PHEX: variants seen among roughly 807,000 people sequenced by gnomAD.
PHEX encodes phosphate regulating endopeptidase X-linked, also known as phosphate-regulating neutral endopeptidase PHEX.
A neutral mutation model predicts 68.0 loss-of-function variants in PHEX; 16 were observed. That is an observed-to-expected ratio of 0.24 (90% CI 0.16 to 0.36). The LOEUF (loss-of-function observed/expected upper bound fraction) is 0.36, where lower values mean the gene tolerates loss of function less well. Among genes scored for constraint, PHEX ranks in the 10% least tolerant of loss-of-function variants. The probability of loss-of-function intolerance (pLI) is 1.00; values close to 1 mark genes in which losing one functional copy is unlikely to be tolerated. For synonymous variants in PHEX, 208 were observed against 205.1 expected, an observed-to-expected ratio of 1.01 and a Z score of -0.12; for missense variants, 480 against 575.5, an observed-to-expected ratio of 0.83 and a Z score of 1.70.
intron 5 of PHEX, among the ~76,000 whole-genome samples, chrX:22,084,355 G>A (rs1334434367): frequency 9.0e-6 from 1 of 111,025 alleles, no homozygotes; most frequent in African/African-American, 3.3e-5. Context: ...CTCAATCATA[G>A]TGAATGATCT....
intron 6 of PHEX, among the ~76,000 whole-genome samples, chrX:22,093,610 T>G (rs973805804): frequency 1.8e-5 from 2 of 112,120 alleles, no homozygotes; most frequent in African/African-American, 6.5e-5. Context: ...AACAGTTCTT[T>G]CCCATTGTTT....
chrX:22,141,012 G>A (rs916460364), intron 12 of PHEX, among the ~76,000 whole-genome samples: 1 of 109,767 alleles, frequency 9.1e-6, no homozygotes, highest in African/African-American at 3.3e-5. Flanking sequence ...AGAAGAGCTG[G>A]GATTCCCTCC....
chrX:22,037,814 CT>C (rs1402333996), intron 1 of PHEX, among the ~76,000 whole-genome samples: 2 of 110,795 alleles, frequency 1.8e-5, no homozygotes, highest in Non-Finnish European at 3.8e-5. Context: ...ACCCCTACCC[CT>C]TTTTTGGTCC....
chrX:22,164,143 G>A (rs990600094), intron 12 of PHEX, among the ~76,000 whole-genome samples: 8 of 111,832 alleles, frequency 7.2e-5, no homozygotes, highest in African/African-American at 2.6e-4. Context: ...GCCTATGAGT[G>A]CTTCTCATTG....
chrX:22,056,695 G>T (rs1928119527), intron 3 of PHEX, among the ~76,000 whole-genome samples: 1 of 108,656 alleles, frequency 9.2e-6, no homozygotes, highest in Non-Finnish European at 1.9e-5. Context: ...CAGCTACTGG[G>T]AGGTTGCAGT....
intron 20 of PHEX, among the ~76,000 whole-genome samples, chrX:22,230,686 A>G (rs1018716962): frequency 6.3e-5 from 7 of 111,219 alleles, no homozygotes; most frequent in African/African-American, 2.3e-4. Flanking sequence ...GGCTGAGACG[A>G]TGGGGTTTTC....
At chrX:22,240,570 A>C (rs998858704) in intron 20 of PHEX, among the ~76,000 whole-genome samples, 4 of 96,619 alleles carry the variant, frequency 4.1e-5, no homozygotes, top group Non-Finnish European at 8.8e-5. Flanking sequence ...AAAGCAAAAA[A>C]CAAAAACAAA....
chrX:22,178,390 A>C lies in PHEX; in HGVS notation c.1586+14A>C, dbSNP rs771287470. 74 of 982,681 alleles carry C rather than the reference A, an allele frequency of 7.5e-5. No homozygotes were observed. The highest frequency in any genetic ancestry group is 1.1e-4 in the Non-Finnish European group (74 of 693,479). 81.0% of individuals were successfully genotyped at this position (982,681 alleles called of 1,213,427 possible). A position where few individuals can be genotyped will look rare whatever the true frequency, so the allele number is the denominator to read the frequency against. On this transcript the variant is annotated intron_variant, in intron 14 of 21. Coordinates refer to ENST00000379374, the MANE Select transcript of PHEX (RefSeq NM_000444.6). ...TCCAAAAACAGAGTGAGTATTAAAC[A>C]AAAAAAGTTAAATAGATAAATACAT...
At chrX:22,034,432 C>G (rs746922670) in intron 1 of PHEX, among the ~76,000 whole-genome samples, 1 of 112,363 alleles carries the variant, frequency 8.9e-6, no homozygotes, top group East Asian at 2.8e-4. Context: ...CTCCTGAGGC[C>G]GTGGCATATC....
At chrX:22,233,275 C>T (rs1338037905) in intron 20 of PHEX, among the ~76,000 whole-genome samples, 4 of 110,833 alleles carry the variant, frequency 3.6e-5, no homozygotes, top group African/African-American at 9.9e-5. Flanking sequence ...GTGAATCTGA[C>T]GATTATGTGT....
intron 3 of PHEX, among the ~76,000 whole-genome samples, chrX:22,072,248 A>G (rs1373475926): frequency 2.7e-5 from 3 of 109,162 alleles, no homozygotes; most frequent in Non-Finnish European, 5.7e-5. Context: ...ACACACAAAA[A>G]CAAAAAACAA....
Position 22,249,434 on chromosome X carries a change from G to A in PHEX, c.*1481G>A, listed in dbSNP as rs1431064373. ...GCCATTGTGTGTCCCTGTGATTTGT[G>A]ATTCTTTTAAAAAAAAAAAAAATAT... is the stretch of plus-strand genomic sequence containing the variant. On this transcript the variant is annotated 3_prime_UTR_variant, in exon 22 of 22. Coordinates refer to ENST00000379374, the MANE Select transcript of PHEX (RefSeq NM_000444.6). 2.2e-5 allele frequency: 1 copy of A among 44,847 alleles called. No individual in the cohort carries two copies. The highest frequency in any genetic ancestry group is 2.7e-4 in the Admixed American group (1 of 3,647). 3.7% of individuals were successfully genotyped at this position (44,847 alleles called of 1,213,427 possible).
chrX:22,074,360 A>G (rs768685502), intron 3 of PHEX, among the ~76,000 whole-genome samples: 1 of 109,682 alleles, frequency 9.1e-6, no homozygotes, highest in African/African-American at 3.3e-5. Context: ...TAAAAGCCAA[A>G]TTCTGGTACA....
At chrX:22,209,296 C>T (rs1000447805) in intron 15 of PHEX, among the ~76,000 whole-genome samples, 1 of 110,885 alleles carries the variant, frequency 9.0e-6, no homozygotes, top group Non-Finnish European at 1.9e-5. Flanking sequence ...TAAGCAAATG[C>T]GAAATTGGAG....
intron 20 of PHEX, among the ~76,000 whole-genome samples, chrX:22,230,385 G>A (rs1003500481): frequency 9.3e-6 from 1 of 107,347 alleles, no homozygotes; most frequent in South Asian, 4.2e-4. Context: ...CCATTTTCAC[G>A]ATATTGATTC....
intron 3 of PHEX, among the ~76,000 whole-genome samples, chrX:22,075,359 A>G (rs1929108765): frequency 9.5e-6 from 1 of 105,717 alleles, no homozygotes; most frequent in Non-Finnish European, 1.9e-5. Flanking sequence ...GAGATATACA[A>G]TTATTTATTA....
At chrX:22,033,156 G>A in intron 1 of PHEX, 33 bp downstream of exon 1, 1 of 1,021,523 alleles carries the variant, frequency 9.8e-7, no homozygotes, top group Non-Finnish European at 1.4e-6. Context: ...GGGGAACTGG[G>A]TGTGTGTCGA....
At chrX:22,176,393 AAAAAAAAAAATAT>A (rs1341526497) in intron 13 of PHEX, among the ~76,000 whole-genome samples, 62 of 81,904 alleles carry the variant, frequency 7.6e-4, no homozygotes, top group African/African-American at 3.3e-3. Context: ...TCAAAAAAAA[AAAAAAAAAAATAT>A]ATATATATAT....
At chrX:22,158,297 A>G (rs185200555) in intron 12 of PHEX, among the ~76,000 whole-genome samples, 1 of 111,998 alleles carries the variant, frequency 8.9e-6, no homozygotes, top group African/African-American at 3.2e-5. Context: ...TTATTACAGA[A>G]CTCATCAGAG....
Sources: gnomAD v4.1 joint callset for allele counts (sites outside exome capture counted in the v4.1 genomes callset) on GRCh38, gnomAD v4.1.1 for gene constraint, MANE v1.5 for transcripts, NCBI Gene and HGNC (gene_info 2026-07-23, HGNC 2026-07-21) for gene names.